Variants in TBC1D22B observed in about 807,000 individuals in gnomAD.
TBC1D22B encodes chromosome 6 open reading frame 197.
A neutral mutation model predicts 69.1 loss-of-function variants in TBC1D22B; 32 were observed. That is an observed-to-expected ratio of 0.46 (90% CI 0.35 to 0.62). The LOEUF is 0.62. TBC1D22B is among the 20% of genes least tolerant of loss of function. The probability of loss-of-function intolerance (pLI) is 0.00; values close to 1 mark genes in which losing one functional copy is unlikely to be tolerated. For missense variants in TBC1D22B, 462 were observed against 630.9 expected (o/e 0.73, Z 2.87); for synonymous variants, 206 against 229.8 (o/e 0.90, Z 0.94).
chr6:37,319,161 T>C (rs567108856), intron 12 of TBC1D22B, among the ~76,000 whole-genome samples: 49 of 152,202 alleles, frequency 3.2e-4, no homozygotes, highest in Non-Finnish European at 5.7e-4. Flanking sequence ...AGCAGATGCA[T>C]TGACTTCTGT....
chr6:37,272,136 C>T (rs1766506789), intron 2 of TBC1D22B, among the ~76,000 whole-genome samples: 1 of 152,082 alleles, frequency 6.6e-6, no homozygotes, highest in Admixed American at 6.6e-5. Context: ...GTGATCTTGG[C>T]TCACTGCAGC....
At chr6:37,277,704 G>T (rs972588418) in intron 2 of TBC1D22B, among the ~76,000 whole-genome samples, 1 of 152,028 alleles carries the variant, frequency 6.6e-6, no homozygotes, top group Admixed American at 6.5e-5. Flanking sequence ...CTGACCTCAA[G>T]TGATCCATCT....
At chr6:37,329,776 A>G (rs1768530130) in intron 12 of TBC1D22B, among the ~76,000 whole-genome samples, 1 of 152,220 alleles carries the variant, frequency 6.6e-6, no homozygotes, top group African/African-American at 2.4e-5. Flanking sequence ...TAAGATGATC[A>G]CTTCTACTCC....
At chr6:37,287,416 G>C (rs1767039644) in intron 7 of TBC1D22B, among the ~76,000 whole-genome samples, 1 of 152,288 alleles carries the variant, frequency 6.6e-6, no homozygotes, top group East Asian at 1.9e-4. Flanking sequence ...AAAATTTACT[G>C]TGTTAACCAT....
chr6:37,331,125 A>G lies in TBC1D22B; in HGVS notation c.1471A>G (p.Arg491Gly). The stretch of plus-strand genomic sequence containing the variant: ...TGGGCTGCTTCTCGCCGAGGCATAC[A>G]GACTCAAGTACATGTTTGCCGATGC... Reference protein sequence around the residue: ...EIGLLLAEAYRLKYMFADAPN... With the variant: ...EIGLLLAEAYGLKYMFADAPN... Residue 491 changes from arginine (R) to glycine (G), a missense_variant, in exon 13 of 13, where the codon AGA (arginine) becomes GGA (glycine). Transcript: ENST00000373491. 6.2e-7 allele frequency: 1 copy of G among 1,614,184 alleles called. No homozygotes were observed. The highest frequency in any genetic ancestry group is 8.5e-7 in the Non-Finnish European group (1 of 1,180,020).
intron 1 of TBC1D22B, among the ~76,000 whole-genome samples, chr6:37,267,502 C>CA (rs1562039808): frequency 0.056 from 189 of 3,366 alleles, 6 homozygotes; most frequent in African/African-American, 0.1. Flanking sequence ...TATATATACA[C>CA]TATATATATA....
intron 1 of TBC1D22B, among the ~76,000 whole-genome samples, chr6:37,266,737 A>G (rs415941): frequency 0.014 from 2,103 of 151,510 alleles, 42 homozygotes; most frequent in African/African-American, 0.046. Context: ...TGCTGGGATT[A>G]CAGGCGTGAG....
intron 12 of TBC1D22B, among the ~76,000 whole-genome samples, chr6:37,317,610 A>G (rs1768121191): frequency 6.6e-6 from 1 of 152,200 alleles, no homozygotes; most frequent in Non-Finnish European, 1.5e-5. Flanking sequence ...AAATAACATC[A>G]TAGTAAATAG....
chr6:37,312,459 A>G (rs558720331), intron 8 of TBC1D22B, among the ~76,000 whole-genome samples: 1 of 152,290 alleles, frequency 6.6e-6, no homozygotes, highest in Non-Finnish European at 1.5e-5. Context: ...TGGGAATTCC[A>G]TCTTTAAAAT....
chr6:37,316,982 G>C (rs1422141916), intron 11 of TBC1D22B, 129 bp from the exon 12 acceptor site: 8 of 1,480,820 alleles, frequency 5.4e-6, no homozygotes, highest in South Asian at 1.2e-5. Context: ...CCTTTGCTAA[G>C]TCTCTTCAGA....
chr6:37,297,562 T>A (rs895570159), intron 8 of TBC1D22B, among the ~76,000 whole-genome samples: 1 of 152,216 alleles, frequency 6.6e-6, no homozygotes, highest in Non-Finnish European at 1.5e-5. Flanking sequence ...GTGCTCTCTA[T>A]ATGACTTGGT....
chr6:37,280,650 C>T (rs967880092), intron 3 of TBC1D22B, among the ~76,000 whole-genome samples: 89 of 152,368 alleles, frequency 5.8e-4, no homozygotes, highest in African/African-American at 2.0e-3. Flanking sequence ...CCATGATGAG[C>T]TGCCCTGTGC....
At chr6:37,273,711 G>A (rs1454466511) in intron 2 of TBC1D22B, among the ~76,000 whole-genome samples, 1 of 152,162 alleles carries the variant, frequency 6.6e-6, no homozygotes, top group African/African-American at 2.4e-5. Context: ...TTTCATGTAT[G>A]TGGTGGTTTG....
chr6:37,285,859 T>C (rs1451245614), intron 6 of TBC1D22B, among the ~76,000 whole-genome samples: 1 of 152,202 alleles, frequency 6.6e-6, no homozygotes, highest in Non-Finnish European at 1.5e-5. Context: ...TGACCTCAAG[T>C]GATCCACCCG....
intron 2 of TBC1D22B, among the ~76,000 whole-genome samples, chr6:37,274,786 C>T (rs886432876): frequency 2.6e-5 from 4 of 152,202 alleles, no homozygotes; most frequent in African/African-American, 9.6e-5. Flanking sequence ...CATGGTGGCT[C>T]ACGCCTGTAA....
intron 7 of TBC1D22B, among the ~76,000 whole-genome samples, chr6:37,289,833 C>T (rs1562051523): frequency 1.3e-5 from 2 of 152,100 alleles, no homozygotes; most frequent in African/African-American, 2.4e-5. Flanking sequence ...AGTGTAAGAG[C>T]GTTCCCATTA....
At position 37,330,755 on chromosome 6, in the gene TBC1D22B, AT is replaced by A. The variant is rs575476859; in HGVS notation, c.1390-284del. On this transcript the variant is annotated intron_variant, in intron 12 of 12. Coordinates refer to ENST00000373491, the MANE Select transcript of TBC1D22B (RefSeq NM_017772.4). Reference sequence around the variant, plus strand: ...GAGAGGTATATTTGGATAAGTGATTATTTTTCTCTCTTAAAAATCTTTATTG... The same window carrying A: ...GAGAGGTATATTTGGATAAGTGATTATTTTCTCTCTTAAAAATCTTTATTG... Among the ~76,000 whole-genome samples the A allele has an allele frequency of 3.9e-5, 6 of 152,260 alleles. No individual in the cohort carries two copies. The East Asian group carries it at 9.6e-4, about 24-fold the overall frequency.
intron 1 of TBC1D22B, among the ~76,000 whole-genome samples, chr6:37,264,443 G>T (rs1484275257): frequency 6.6e-6 from 1 of 152,170 alleles, no homozygotes; most frequent in East Asian, 1.9e-4. Flanking sequence ...GTCCTGAGTA[G>T]CTGGGATTAC....
chr6:37,282,274 A>G lies in TBC1D22B; in HGVS notation c.511A>G (p.Asn171Asp). 1 of 1,614,128 alleles carries G rather than the reference A, an allele frequency of 6.2e-7. No individual in the cohort carries two copies. The highest frequency in any genetic ancestry group is 8.5e-7 in the Non-Finnish European group (1 of 1,180,012). ...CCTCGTTGCCCGGATCTCGGATCAG[A>G]ACGCTTCTGGGGCCCCCCCAATGAC... ...IPLVARISDQ[N>D]ASGAPPMTVR... Residue 171 changes from asparagine (N) to aspartate (D), a missense_variant, in exon 4 of 13, where the codon AAC becomes GAC. Physicochemically the swap from Asn to Asp is conservative, Grantham distance 23. Coordinates refer to ENST00000373491, the MANE Select transcript of TBC1D22B (RefSeq NM_017772.4).
Sources: allele counts gnomAD v4.1 joint callset (sites outside exome capture counted in the v4.1 genomes callset), GRCh38; gene constraint gnomAD v4.1.1; transcripts MANE v1.5; gene names NCBI Gene and HGNC (gene_info 2026-07-23, HGNC 2026-07-21).